The following WRN variants were observed in gnomAD, a reference collection of about 807,000 sequenced individuals.
The protein encoded by WRN is WRN RecQ like helicase.
Under a neutral mutation model 180.7 loss-of-function variants are expected in WRN, and 149 were observed. The ratio of observed to expected loss-of-function variants is 0.82; its 90% CI spans 0.72 to 0.94. The LOEUF is 0.94. Among genes scored for constraint, WRN ranks in the 40% least tolerant of loss-of-function variants. The probability of loss-of-function intolerance (pLI) is 0.00; values close to 1 mark genes in which losing one functional copy is unlikely to be tolerated. For synonymous variants in WRN, 548 were observed against 568.9 expected, an observed-to-expected ratio of 0.96 and a Z score of 0.52; for missense variants, 1,661 against 1,700.1, an observed-to-expected ratio of 0.98 and a Z score of 0.40.
At chr8:31,170,877 T>C (rs1804075247) in intron 34 of WRN, among the ~76,000 whole-genome samples, 1 of 152,188 alleles carries the variant, frequency 6.6e-6, no homozygotes, top group Non-Finnish European at 1.5e-5. Flanking sequence ...AATAAGATCA[T>C]TATTATAATT....
Position 31,064,525 on chromosome 8 carries a change from C to T in WRN, c.355+91C>T, listed in dbSNP as rs11574198. ...AAATTAAGTTCTTTTATTAGCTGGCCGTTCTCTCATTATCTCAAATTTATT... is the reference window on the plus strand; with the variant it reads ...AAATTAAGTTCTTTTATTAGCTGGCTGTTCTCTCATTATCTCAAATTTATT... On this transcript the variant is annotated intron_variant, in intron 4 of 34. Coordinates refer to ENST00000298139, the MANE Select transcript of WRN (RefSeq NM_000553.6). The T allele has an allele frequency of 2.4e-3, 3,709 of 1,533,056 alleles. 81 individuals are homozygous for T. The African/African-American group carries it at 0.045, about 19-fold the overall frequency. 95.0% of individuals were successfully genotyped at this position (1,533,056 alleles called of 1,614,324 possible).
At chr8:31,072,756 G>T (rs1812958034) in intron 7 of WRN, among the ~76,000 whole-genome samples, 1 of 152,168 alleles carries the variant, frequency 6.6e-6, no homozygotes. Context: ...TTATATGTTG[G>T]GTGCTTATGT....
At chr8:31,034,324 C>T (rs951741954) in intron 1 of WRN, among the ~76,000 whole-genome samples, 2 of 152,208 alleles carry the variant, frequency 1.3e-5, no homozygotes, top group African/African-American at 4.8e-5. Flanking sequence ...AAATAACCTG[C>T]TGTCTATGAT....
intron 21 of WRN, 109 bp downstream of exon 21, chr8:31,120,533 AT>A: frequency 1.0e-6 from 1 of 962,242 alleles, no homozygotes; most frequent in Non-Finnish European, 1.5e-6. Context: ...TTGTGAGTGC[AT>A]TTAAAGTAAA....
chr8:31,048,533 TTG>T (rs915314979), intron 1 of WRN, among the ~76,000 whole-genome samples: 9 of 152,080 alleles, frequency 5.9e-5, no homozygotes, highest in African/African-American at 2.2e-4. Flanking sequence ...ATATATATGC[TTG>T]TGTGTGTATA....
chr8:31,161,029 T>C (rs982080876), intron 33 of WRN, among the ~76,000 whole-genome samples: 12 of 145,674 alleles, frequency 8.2e-5, no homozygotes, highest in Admixed American at 3.4e-4. Flanking sequence ...CCCCACCCCC[T>C]TTTTTTTTTC....
chr8:31,039,404 C>T (rs572896082), intron 1 of WRN, among the ~76,000 whole-genome samples: 29 of 151,708 alleles, frequency 1.9e-4, no homozygotes, highest in Non-Finnish European at 2.9e-4. Context: ...GATATTTCAA[C>T]GTTGATGTTG....
At chr8:31,129,351 CTGAGT>C (rs1427262391) in intron 23 of WRN, among the ~76,000 whole-genome samples, 4 of 152,186 alleles carry the variant, frequency 2.6e-5, no homozygotes, top group Non-Finnish European at 5.9e-5. Flanking sequence ...GTAGGGCTGC[CTGAGT>C]TAAGTAGTTG....
Position 31,068,337 on chromosome 8 carries a change from G to A in WRN, c.724+10G>A, listed in dbSNP as rs763136722. 1 of 1,593,114 alleles carries A rather than the reference G, an allele frequency of 6.3e-7. No homozygotes were observed. Among genetic ancestry groups the A allele is most frequent in the Non-Finnish European group, 8.6e-7 (1 of 1,162,828 alleles). On this transcript the variant is annotated intron_variant, in intron 7 of 34. Transcript: ENST00000298139. ...TTTGCTATAAATAAAGGTATGTTAA[G>A]ATCCATAAATAAAATGTGAATTCAC...
chr8:31,111,993 G>A (rs1801339469), intron 19 of WRN, among the ~76,000 whole-genome samples, 194 bp downstream of exon 19: 2 of 152,162 alleles, frequency 1.3e-5, no homozygotes, highest in African/African-American at 4.8e-5. Context: ...ATTTTTAAAA[G>A]CAGAAACCAA....
At chr8:31,084,296 G>A (rs1353697329) in intron 10 of WRN, among the ~76,000 whole-genome samples, 1 of 152,122 alleles carries the variant, frequency 6.6e-6, no homozygotes, top group African/African-American at 2.4e-5. Context: ...ACCACACCTG[G>A]CCTTGGATTT....
intron 17 of WRN, among the ~76,000 whole-genome samples, chr8:31,097,441 C>T (rs1374052016): frequency 6.6e-6 from 1 of 152,076 alleles, no homozygotes; most frequent in African/African-American, 2.4e-5. Flanking sequence ...AACCACAGTA[C>T]CTTTGATTAG....
At position 31,085,588 on chromosome 8, in the gene WRN, G is replaced by C. The variant is rs538341513; in HGVS notation, c.1431+342G>C. On this transcript the variant is annotated intron_variant, in intron 11 of 34. Coordinates refer to ENST00000298139, the MANE Select transcript of WRN (RefSeq NM_000553.6). ...GGGCTGAAGTGATTCTCCTGCATGA[G>C]CCTCCTGAGTAGCTGGGATTACAGG... Among the ~76,000 whole-genome samples, 22 of 152,008 alleles carry C rather than the reference G, an allele frequency of 1.4e-4. 1 individual carries two copies. In the South Asian group the frequency reaches 4.2e-3, roughly 29 times the overall value.
intron 30 of WRN, 113 bp downstream of exon 30, chr8:31,147,589 A>ACTCAGATTCCCC (rs1802912705): frequency 1.0e-6 from 1 of 974,668 alleles, no homozygotes; most frequent in Admixed American, 2.0e-5. Context: ...CTGGGAGGTG[A>ACTCAGATTCCCC]CTCAGATTCC....
At chr8:31,106,278 C>T (rs762801224) in intron 18 of WRN, among the ~76,000 whole-genome samples, 7 of 152,028 alleles carry the variant, frequency 4.6e-5, no homozygotes, top group Non-Finnish European at 1.0e-4. Context: ...TTCACTCTTC[C>T]CATCCCTCAT....
At chr8:31,089,498 G>T (rs1813658980) in intron 13 of WRN, among the ~76,000 whole-genome samples, 1 of 151,978 alleles carries the variant, frequency 6.6e-6, no homozygotes, top group Non-Finnish European at 1.5e-5. Flanking sequence ...ATCTAGACTG[G>T]ATTTTTCCTA....
At chr8:31,084,409 C>CT (rs1023753612) in intron 10 of WRN, among the ~76,000 whole-genome samples, 4 of 152,014 alleles carry the variant, frequency 2.6e-5, no homozygotes, top group South Asian at 2.1e-4. Flanking sequence ...AGTAAAATAA[C>CT]TTTTTTTTAA....
chr8:31,145,163 AAC>A (rs1157486082), intron 28 of WRN, among the ~76,000 whole-genome samples: 2 of 152,254 alleles, frequency 1.3e-5, no homozygotes, highest in Non-Finnish European at 2.9e-5. Flanking sequence ...TGCCTGCACT[AAC>A]AGACTTTGAA....
intron 13 of WRN, 47 bp from the exon 14 acceptor site, chr8:31,090,418 G>A (rs1813700054): frequency 6.4e-7 from 1 of 1,552,672 alleles, no homozygotes; most frequent in East Asian, 2.3e-5. Flanking sequence ...TGTACCTTGG[G>A]TTTCTTATTA....
Sources: gnomAD v4.1 joint callset for allele counts (sites outside exome capture counted in the v4.1 genomes callset) on GRCh38, gnomAD v4.1.1 for gene constraint, MANE v1.5 for transcripts, NCBI Gene and HGNC (gene_info 2026-07-23, HGNC 2026-07-21) for gene names.